Variants in CELF2 observed in about 807,000 individuals in gnomAD.
CELF2 encodes CUG triplet repeat RNA-binding protein 2.
Under a neutral mutation model 62.6 loss-of-function variants are expected in CELF2, and 8 were observed. The ratio of observed to expected loss-of-function variants is 0.13; its 90% CI spans 0.07 to 0.23. CELF2 has a LOEUF of 0.23. Ranked by LOEUF, CELF2 falls within the 10% of genes least tolerant of loss-of-function variation. The pLI is 1.00. For synonymous variants in CELF2, 258 were observed against 250.0 expected (o/e 1.03, Z -0.30); for missense variants, 333 against 671.0 (o/e 0.50, Z 5.56).
chr10:10,489,535 C>T, the CELF2 span, among the ~76,000 whole-genome samples: 9 of 152,060 alleles, frequency 5.9e-5, no homozygotes. Flanking sequence ...GTTCACATAA[C>T]TCAGTGAGTA....
intron 2 of CELF2, among the ~76,000 whole-genome samples, chr10:11,203,160 C>G (rs1358891953): frequency 1.3e-5 from 2 of 152,152 alleles, no homozygotes; most frequent in African/African-American, 4.8e-5. Flanking sequence ...AAATACTACT[C>G]TAGCGTGCAT....
chr10:10,726,998 G>C, the CELF2 span, among the ~76,000 whole-genome samples: 1 of 152,160 alleles, frequency 6.6e-6, no homozygotes, highest in African/African-American at 2.4e-5. Flanking sequence ...AAGAGAGAGG[G>C]GGATGGCAGC....
At chr10:10,703,315 C>T in the CELF2 span, among the ~76,000 whole-genome samples, 1 of 152,152 alleles carries the variant, frequency 6.6e-6, no homozygotes, top group Non-Finnish European at 1.5e-5. Context: ...GAACATGACT[C>T]AGCTAGTCCG....
chr10:11,021,040 T>C (rs1481142700), intron 1 of CELF2, among the ~76,000 whole-genome samples: 1 of 152,226 alleles, frequency 6.6e-6, no homozygotes, highest in East Asian at 1.9e-4. Flanking sequence ...TAAATTTGAT[T>C]TTAAACTGAC....
At chr10:11,194,120 T>C (rs977964643) in intron 2 of CELF2, among the ~76,000 whole-genome samples, 1 of 152,092 alleles carries the variant, frequency 6.6e-6, no homozygotes, top group Non-Finnish European at 1.5e-5. Flanking sequence ...GGCTGGAGTG[T>C]AGTGGCATGA....
chr10:10,711,143 C>G, the CELF2 span, among the ~76,000 whole-genome samples: 18 of 152,278 alleles, frequency 1.2e-4, no homozygotes, highest in East Asian at 2.5e-3. Flanking sequence ...GCAAAACTCT[C>G]TCTGTCTCTA....
intron 3 of CELF2, among the ~76,000 whole-genome samples, chr10:11,231,644 C>T (rs1272408452): frequency 5.1e-5 from 3 of 59,268 alleles, no homozygotes; most frequent in Admixed American, 3.0e-4. Flanking sequence ...ATTAACTCTT[C>T]AGAAAAAAAA....
chr10:11,305,219 G>C lies in CELF2; in HGVS notation c.977-8920G>C, dbSNP rs1341860391. ...AGAGAAAAGAACTTTTTTCTGGAAA[G>C]TGGAGCTCAGGTCCTTGCCTCTCTG... On this transcript the variant is annotated intron_variant, in intron 9 of 12. Coordinates refer to ENST00000633077, the MANE Select transcript of CELF2 (RefSeq NM_001326342.2). The surrounding 1 kb of genome is among the most constrained non-coding windows in gnomAD (Gnocchi z 4.8). Among the ~76,000 whole-genome samples the C allele has an allele frequency of 6.6e-6, 1 of 152,224 alleles. No homozygotes were observed. Among genetic ancestry groups the C allele is most frequent in the Non-Finnish European group, 1.5e-5 (1 of 68,044 alleles).
At chr10:10,824,852 T>A (rs1298406663) in intron 1 of CELF2, among the ~76,000 whole-genome samples, 1 of 152,192 alleles carries the variant, frequency 6.6e-6, no homozygotes, top group Admixed American at 6.5e-5. Context: ...TCTCCAGCAC[T>A]CATCGACACC....
At chr10:10,919,840 C>T (rs975065689) in intron 1 of CELF2, 8 of 530,772 alleles carry the variant, frequency 1.5e-5, no homozygotes, top group Non-Finnish European at 2.3e-5. Context: ...ACTTTCTAAC[C>T]ACCTGCATGT....
At chr10:10,690,834 C>A in the CELF2 span, among the ~76,000 whole-genome samples, 1 of 152,044 alleles carries the variant, frequency 6.6e-6, no homozygotes, top group African/African-American at 2.4e-5. Context: ...GAGCCTAGAT[C>A]GTGCCAACTG....
Position 11,211,805 on chromosome 10 carries a change from AGAGAGAGAGTGTGT to A in CELF2, c.272-5618_272-5605del, listed in dbSNP as rs1221017012. On this transcript the variant is annotated intron_variant, in intron 2 of 12. Transcript: ENST00000633077. This position sits in a 1 kb window ranked among gnomAD's most constrained non-coding sequence, Gnocchi z 4.8. ...GTGTATGTGTGTGAGAGAGAGAGAG[AGAGAGAGAGTGTGT>A]GTGTGTGTGTGTGTGTGTGTGTGTG... 3.3e-4 allele frequency among the ~76,000 whole-genome samples: 40 copies of A among 119,956 alleles called. No homozygotes were observed. The highest frequency in any genetic ancestry group is 4.6e-4 in the Non-Finnish European group (27 of 58,644). The allele number at this position is 119,956 out of a possible 152,430, so 78.7% of individuals were successfully genotyped here. A position where few individuals can be genotyped will look rare whatever the true frequency, so the allele number is the denominator to read the frequency against.
At chr10:10,699,367 G>T in the CELF2 span, among the ~76,000 whole-genome samples, 1 of 152,184 alleles carries the variant, frequency 6.6e-6, no homozygotes, top group Admixed American at 6.5e-5. Flanking sequence ...TGTGCTTCCT[G>T]GGTCTGGCAG....
intron 1 of CELF2, among the ~76,000 whole-genome samples, chr10:11,144,169 T>A (rs2061830532): frequency 6.6e-6 from 1 of 152,178 alleles, no homozygotes; most frequent in African/African-American, 2.4e-5. Context: ...GGAAGACATT[T>A]GCAGCTCTGC....
intron 2 of CELF2, among the ~76,000 whole-genome samples, chr10:11,182,349 A>C (rs918456241): frequency 3.3e-5 from 5 of 152,106 alleles, no homozygotes; most frequent in African/African-American, 1.2e-4. Context: ...TTGAGTTTTC[A>C]TCCATCACTT....
intron 1 of CELF2, among the ~76,000 whole-genome samples, chr10:10,912,542 C>G (rs7089299): frequency 0.081 from 12,288 of 152,026 alleles, 1,068 homozygotes; most frequent in African/African-American, 0.22. Flanking sequence ...GCTAATTTTT[C>G]TATTTTTAGT....
intron 3 of CELF2, among the ~76,000 whole-genome samples, chr10:11,231,597 C>T (rs1166051359): frequency 2.0e-5 from 3 of 150,200 alleles, no homozygotes; most frequent in African/African-American, 7.3e-5. Context: ...TACAGAAGCA[C>T]ACACATTGTG....
At chr10:10,474,781 T>C in the CELF2 span, among the ~76,000 whole-genome samples, 1 of 152,080 alleles carries the variant, frequency 6.6e-6, no homozygotes, top group Non-Finnish European at 1.5e-5. Flanking sequence ...GTGACTGTTC[T>C]ACGGAAAGTA....
At chr10:10,467,887 C>T in the CELF2 span, among the ~76,000 whole-genome samples, 1 of 152,122 alleles carries the variant, frequency 6.6e-6, no homozygotes, top group South Asian at 2.1e-4. Flanking sequence ...AACTTTATTT[C>T]TCAACATAAG....
Sources: gnomAD v4.1 joint callset for allele counts (sites outside exome capture counted in the v4.1 genomes callset) on GRCh38, gnomAD v4.1.1 for gene constraint, Gnocchi (gnomAD v3.1) non-coding constraint, MANE v1.5 for transcripts, NCBI Gene and HGNC (gene_info 2026-07-23, HGNC 2026-07-21) for gene names.